The following KANK1 variants were observed in gnomAD, a reference collection of about 807,000 sequenced individuals.
KANK1 encodes the protein KN motif and ankyrin repeat domain-containing protein 1.
In KANK1, 109 loss-of-function variants were observed where a neutral mutation model predicts 106.2. The ratio of observed to expected loss-of-function variants is 1.03; its 90% CI spans 0.88 to 1.20. The LOEUF (loss-of-function observed/expected upper bound fraction) is 1.20. Among genes scored for constraint, KANK1 ranks in the 50% most tolerant of loss-of-function variants. The probability of loss-of-function intolerance (pLI) is 0.00; values close to 1 mark genes in which losing one functional copy is unlikely to be tolerated. For missense variants in KANK1, 2,399 were observed against 1,710.7 expected (o/e 1.40, Z -7.10); for synonymous variants, 873 against 652.2 (o/e 1.34, Z -5.16).
intron 3 of KANK1, among the ~76,000 whole-genome samples, chr9:727,727 T>C (rs1188466434): frequency 3.3e-5 from 5 of 152,070 alleles, no homozygotes; most frequent in Admixed American, 2.0e-4. Flanking sequence ...TATGTGTGTG[T>C]GTGGTAATGT....
intron 1 of KANK1, among the ~76,000 whole-genome samples, chr9:595,623 T>C (rs1253840284): frequency 6.6e-6 from 1 of 151,906 alleles, no homozygotes; most frequent in Non-Finnish European, 1.5e-5. Flanking sequence ...ATTCCTGGGC[T>C]CAAGCAGTCC....
chr9:693,350 G>C (rs777077517), intron 2 of KANK1: 19 of 977,956 alleles, frequency 1.9e-5, no homozygotes, highest in Non-Finnish European at 2.3e-5. Flanking sequence ...CTGCAGTGGA[G>C]GGTTAGGGAA....
rs1340679757 is a variant in KANK1 at position 530,646 on chromosome 9, A to G, written c.-84+25892A>G. Among the ~76,000 whole-genome samples, 6 of 152,340 alleles carry G rather than the reference A, an allele frequency of 3.9e-5. No individual in the cohort carries two copies. The South Asian group carries it at 1.0e-3, about 26-fold the overall frequency. ...TATTAGGGAGGATTGGGCTTGTATT[A>G]AATATTTTATTGTTGATGTTAATTG... On this transcript the variant is annotated intron_variant, in intron 1 of 11. Coordinates refer to ENST00000382297, the MANE Select transcript of KANK1 (RefSeq NM_015158.5).
chr9:734,941 C>T (rs1348239824), intron 7 of KANK1, 106 bp downstream of exon 7: 2 of 781,512 alleles, frequency 2.6e-6, no homozygotes, highest in Admixed American at 4.0e-5. Flanking sequence ...GCATGCTTTT[C>T]TCCTGAACTG....
intron 1 of KANK1, chr9:549,054 C>T (rs1380401957): frequency 2.6e-5 from 4 of 151,938 alleles, no homozygotes; most frequent in African/African-American, 4.8e-5. Context: ...CATTATAATT[C>T]CACCAATAAT....
chr9:597,126 T>C (rs976382457), intron 1 of KANK1, among the ~76,000 whole-genome samples: 1 of 151,878 alleles, frequency 6.6e-6, no homozygotes, highest in African/African-American at 2.4e-5. Context: ...CATTCATCTG[T>C]TGATAGATTT....
At chr9:620,302 A>G (rs1370565272) in intron 1 of KANK1, among the ~76,000 whole-genome samples, 1 of 152,140 alleles carries the variant, frequency 6.6e-6, no homozygotes. Context: ...GGAATAGGAC[A>G]TTAACTCTTC....
chr9:697,344 T>C (rs1262155396), intron 2 of KANK1, among the ~76,000 whole-genome samples: 1 of 152,184 alleles, frequency 6.6e-6, no homozygotes, highest in African/African-American at 2.4e-5. Flanking sequence ...GAGGTGGTTA[T>C]TTGTCAGCTT....
chr9:734,785 T>G lies in KANK1; in HGVS notation c.3283T>G (p.Leu1095Val), dbSNP rs769533430. Residue 1095 changes from leucine to valine, a missense_variant, in exon 7 of 12, where the codon TTA (leucine) becomes GTA (valine). Transcript: ENST00000382297. ...LSEKMLSACNLLKNTINDPKA... is the reference protein window; with the variant it reads ...LSEKMLSACNVLKNTINDPKA... ...TGAAAAGATGTTGTCTGCATGCAAC[T>G]TACTGAAAAATACTATAAATGACCC... The G allele has an allele frequency of 6.2e-7, 1 of 1,613,910 alleles. No individual in the cohort carries two copies. Among genetic ancestry groups the G allele is most frequent in the Non-Finnish European group, 8.5e-7 (1 of 1,179,748 alleles).
chr9:715,302 T>C (rs1231984309), intron 3 of KANK1, among the ~76,000 whole-genome samples: 1 of 152,236 alleles, frequency 6.6e-6, no homozygotes, highest in East Asian at 1.9e-4. Context: ...CATGTCTGCT[T>C]TGACATCCTT....
intron 1 of KANK1, among the ~76,000 whole-genome samples, chr9:580,767 C>A (rs1821892353): frequency 6.6e-6 from 1 of 152,274 alleles, no homozygotes; most frequent in Non-Finnish European, 1.5e-5. Flanking sequence ...GCGCTGTGCG[C>A]CCGCACTCCT....
intron 1 of KANK1, among the ~76,000 whole-genome samples, chr9:519,419 T>C (rs575986184): frequency 6.6e-6 from 1 of 151,622 alleles, no homozygotes; most frequent in Admixed American, 6.6e-5. Flanking sequence ...GGAGTAGCTA[T>C]GAGAGGAGTC....
At chr9:616,393 A>G (rs1464746601) in intron 1 of KANK1, among the ~76,000 whole-genome samples, 1 of 152,146 alleles carries the variant, frequency 6.6e-6, no homozygotes, top group Non-Finnish European at 1.5e-5. Context: ...CACCACTTAA[A>G]TTACCATCAA....
At chr9:727,679 C>CGTGTGTGTGT (rs1564092313) in intron 3 of KANK1, among the ~76,000 whole-genome samples, 410 of 121,896 alleles carry the variant, frequency 3.4e-3, no homozygotes, top group African/African-American at 0.014. Context: ...GATAACTTTT[C>CGTGTGTGTGT]ATGTGTGTGT....
At position 711,042 on chromosome 9, in the gene KANK1, C is replaced by T. The variant is rs1443418150; in HGVS notation, c.276C>T (p.Leu92=). 1.9e-6 allele frequency: 3 copies of T among 1,614,220 alleles called. No homozygotes were observed. The highest frequency in any genetic ancestry group is 1.1e-5 in the South Asian group (1 of 91,088). The change falls in exon 3 of 12, where the codon CTC becomes CTT. Residue 92 remains leucine, a synonymous_variant. Transcript: ENST00000382297. The stretch of plus-strand genomic sequence containing the variant: ...GTATATGGACTTCCACTGAATCCCT[C>T]TCATCCTCCAACAGTGATGACAACA... The part of the protein sequence containing the change: ...QQGIWTSTES[L]SSSNSDDNKQ...
intron 1 of KANK1, among the ~76,000 whole-genome samples, chr9:614,797 A>G (rs952315235): frequency 8.5e-5 from 13 of 152,276 alleles, no homozygotes; most frequent in African/African-American, 2.2e-4. Flanking sequence ...AGAAATGTAT[A>G]TAAATGTACT....
chr9:501,012 G>C (rs1020021368), upstream of KANK1, among the ~76,000 whole-genome samples: 1 of 152,062 alleles, frequency 6.6e-6, no homozygotes, highest in Admixed American at 6.6e-5. Context: ...ACTGAGAGTG[G>C]GACAGCCAAA....
rs371166682 is a variant in KANK1 at position 676,984 on chromosome 9, C to G, written c.12C>G (p.Thr4=). ...GGACTCAAGCCAGCATGGCTCACAC[C>G]ACAAAGGTTAACGGCAGTGCCTCAG... is the stretch of plus-strand genomic sequence containing the variant. MAH[T]TKVNGSASGK... is the part of the protein sequence containing the mutation. The change falls in exon 2 of 12, where the codon ACC becomes ACG. Residue 4 remains threonine (T), a synonymous_variant. Transcript: ENST00000382297. 6.2e-7 allele frequency: 1 copy of G among 1,613,796 alleles called. No homozygotes were observed. Among genetic ancestry groups the G allele is most frequent in the African/African-American group, 1.3e-5 (1 of 75,008 alleles).
intron 3 of KANK1, among the ~76,000 whole-genome samples, chr9:715,895 T>C (rs1343843167): frequency 6.6e-6 from 1 of 152,226 alleles, no homozygotes; most frequent in East Asian, 1.9e-4. Flanking sequence ...CAACTTGATA[T>C]AGTAAAGTGG....
Sources: allele counts gnomAD v4.1 joint callset (sites outside exome capture counted in the v4.1 genomes callset), GRCh38; gene constraint gnomAD v4.1.1; transcripts MANE v1.5; gene names NCBI Gene and HGNC (gene_info 2026-07-23, HGNC 2026-07-21).